Variants in ODAD2 observed in about 807,000 individuals in gnomAD.
The protein encoded by ODAD2 is outer dynein arm docking complex subunit 2.
In ODAD2, 89 loss-of-function variants were observed where a neutral mutation model predicts 106.8. The ratio of observed to expected loss-of-function variants is 0.83; its 90% CI spans 0.70 to 0.99. The LOEUF is 0.99. Among genes scored for constraint, ODAD2 ranks in the 50% least tolerant of loss-of-function variants. The pLI, the probability that ODAD2 is intolerant of heterozygous loss-of-function variation, is 0.00. For missense variants in ODAD2, 1,168 were observed against 1,238.5 expected, an observed-to-expected ratio of 0.94 and a Z score of 0.85; for synonymous variants, 404 against 436.2, an observed-to-expected ratio of 0.93 and a Z score of 0.92.
chr10:27,972,148 G>A, intron 7 of ODAD2, among the ~76,000 whole-genome samples: 1 of 152,078 alleles, frequency 6.6e-6, no homozygotes, highest in East Asian at 1.9e-4. Flanking sequence ...CAAAGTATAG[G>A]GAGGGGTATT....
intron 19 of ODAD2, among the ~76,000 whole-genome samples, chr10:27,817,373 G>A (rs1247770744): frequency 6.6e-6 from 1 of 152,126 alleles, no homozygotes; most frequent in Non-Finnish European, 1.5e-5. Flanking sequence ...TATATTTCGA[G>A]GGTACAAGTG....
chr10:27,865,030 G>T (rs1490525122), intron 17 of ODAD2, among the ~76,000 whole-genome samples: 1 of 152,088 alleles, frequency 6.6e-6, no homozygotes, highest in Admixed American at 6.6e-5. Context: ...TAAATCTGAT[G>T]ATCCCATCTC....
chr10:27,832,310 T>G (rs1053702120), intron 19 of ODAD2, among the ~76,000 whole-genome samples: 7 of 152,226 alleles, frequency 4.6e-5, no homozygotes, highest in Admixed American at 4.6e-4. Flanking sequence ...TTCTCACACC[T>G]TACTTGTACA....
At chr10:27,862,257 C>T (rs1236004510) in intron 18 of ODAD2, among the ~76,000 whole-genome samples, 177 bp downstream of exon 18, 2 of 152,258 alleles carry the variant, frequency 1.3e-5, no homozygotes, top group East Asian at 1.9e-4. Flanking sequence ...GTTTAAAATA[C>T]GCTTTCACAT....
At chr10:27,839,797 T>C (rs1235378622) in intron 19 of ODAD2, among the ~76,000 whole-genome samples, 1 of 152,250 alleles carries the variant, frequency 6.6e-6, no homozygotes, top group Non-Finnish European at 1.5e-5. Flanking sequence ...AAGTGAAGAC[T>C]GTTTTGCACA....
chr10:27,893,585 GA>G (rs1331968976), intron 17 of ODAD2, among the ~76,000 whole-genome samples: 1 of 152,130 alleles, frequency 6.6e-6, no homozygotes, highest in Admixed American at 6.5e-5. Flanking sequence ...CAAATCCTAT[GA>G]CTCATAAGTT....
At chr10:27,821,638 C>CA (rs1260089684) in intron 19 of ODAD2, among the ~76,000 whole-genome samples, 3 of 152,186 alleles carry the variant, frequency 2.0e-5, no homozygotes, top group Non-Finnish European at 4.4e-5. Context: ...ATCACTAACA[C>CA]ACGGAGCAAG....
At chr10:27,900,589 C>G (rs1487587006) in intron 17 of ODAD2, among the ~76,000 whole-genome samples, 2 of 152,124 alleles carry the variant, frequency 1.3e-5, no homozygotes, top group African/African-American at 4.8e-5. Flanking sequence ...AAATTGCTAA[C>G]TAGAATAATC....
intron 10 of ODAD2, among the ~76,000 whole-genome samples, chr10:27,953,333 A>G (rs1374624447): frequency 6.6e-6 from 1 of 152,226 alleles, no homozygotes; most frequent in Non-Finnish European, 1.5e-5. Context: ...ATCACAGTTC[A>G]TTCCAATAAA....
chr10:27,839,377 G>A (rs1289054700), intron 19 of ODAD2, among the ~76,000 whole-genome samples: 2 of 152,124 alleles, frequency 1.3e-5, no homozygotes, highest in African/African-American at 4.8e-5. Flanking sequence ...TAACTCAGAG[G>A]GAAATGACTT....
chr10:27,924,021 A>AGAAG (rs1215513403), intron 16 of ODAD2, among the ~76,000 whole-genome samples: 4 of 139,274 alleles, frequency 2.9e-5, no homozygotes, highest in East Asian at 2.2e-4. Context: ...AAAGAAAGAA[A>AGAAG]GAAGGAAAGA....
At chr10:27,880,077 T>C (rs1006548625) in intron 17 of ODAD2, among the ~76,000 whole-genome samples, 1 of 152,198 alleles carries the variant, frequency 6.6e-6, no homozygotes, top group Non-Finnish European at 1.5e-5. Context: ...CCATGAGCTA[T>C]TTCAGCTTCA....
intron 19 of ODAD2, among the ~76,000 whole-genome samples, chr10:27,850,274 CT>C (rs1273789053): frequency 1.3e-5 from 2 of 151,468 alleles, no homozygotes; most frequent in African/African-American, 4.8e-5. Context: ...GTGAAACCCC[CT>C]CTCTATCAAA....
intron 7 of ODAD2, among the ~76,000 whole-genome samples, chr10:27,980,075 G>A (rs955228740): frequency 3.9e-5 from 6 of 152,180 alleles, no homozygotes; most frequent in African/African-American, 1.2e-4. Context: ...CCATCCAAAA[G>A]AGAAAGGACA....
intron 16 of ODAD2, among the ~76,000 whole-genome samples, chr10:27,923,962 GAAAGAAAGAA>G (rs1397330182): frequency 2.0e-5 from 2 of 100,372 alleles, no homozygotes; most frequent in Non-Finnish European, 4.0e-5. Context: ...AAGAAAGAAA[GAAAGAAAGAA>G]AGAAAGAAAG....
At chr10:27,909,980 A>G (rs1013473206) in intron 16 of ODAD2, among the ~76,000 whole-genome samples, 7 of 152,130 alleles carry the variant, frequency 4.6e-5, no homozygotes, top group Non-Finnish European at 8.8e-5. Context: ...CATCCTCTGC[A>G]TGAAGTCATT....
chr10:27,847,568 C>G (rs998260699), intron 19 of ODAD2, among the ~76,000 whole-genome samples: 2 of 151,892 alleles, frequency 1.3e-5, no homozygotes, highest in African/African-American at 4.8e-5. Flanking sequence ...GAAGTTCTGG[C>G]CAGGGCAATC....
chr10:27,871,091 T>C (rs572848812), intron 17 of ODAD2, among the ~76,000 whole-genome samples: 33 of 152,372 alleles, frequency 2.2e-4, no homozygotes, highest in African/African-American at 6.7e-4. Context: ...TGATTTGTAC[T>C]TCTCTGATGG....
At chr10:27,987,820 T>A (rs1224239392) in intron 2 of ODAD2, among the ~76,000 whole-genome samples, 2 of 151,688 alleles carry the variant, frequency 1.3e-5, no homozygotes, top group Non-Finnish European at 2.9e-5. Context: ...TGAACTCAAA[T>A]AGTCACAGTT....
Sources: gnomAD v4.1 joint callset for allele counts (sites outside exome capture counted in the v4.1 genomes callset) on GRCh38, gnomAD v4.1.1 for gene constraint, MANE v1.5 for transcripts, NCBI Gene and HGNC (gene_info 2026-07-23, HGNC 2026-07-21) for gene names.